COL27A1: variants seen among roughly 807,000 people sequenced by gnomAD.
The protein encoded by COL27A1 is collagen type XXVII alpha 1 chain.
COL27A1 carries 106 observed loss-of-function variants against 251.3 expected under a neutral mutation model. The ratio of observed to expected loss-of-function variants is 0.42; its 90% CI spans 0.36 to 0.50. The LOEUF (loss-of-function observed/expected upper bound fraction) is 0.50. Ranked by LOEUF, COL27A1 falls within the 20% of genes least tolerant of loss-of-function variation. The probability of loss-of-function intolerance (pLI) is 0.00; values close to 1 mark genes in which losing one functional copy is unlikely to be tolerated. For missense variants in COL27A1, 2,325 were observed against 2,522.8 expected (o/e 0.92, Z 1.68); for synonymous variants, 1,000 against 986.3 (o/e 1.01, Z -0.26).
At chr9:114,271,803 A>G (rs1468010) in intron 36 of COL27A1, 33,850 of 152,186 alleles carry the variant, frequency 0.22, 4,856 homozygotes, top group African/African-American at 0.4. Context: ...AGGTGACCTC[A>G]GAGAAGCAGA....
chr9:114,299,846 G>A (rs916925605), intron 49 of COL27A1, among the ~76,000 whole-genome samples: 6 of 152,210 alleles, frequency 3.9e-5, no homozygotes, highest in African/African-American at 1.4e-4. Context: ...CCTGAGCCGG[G>A]CTCCTCTTTC....
intron 14 of COL27A1, among the ~76,000 whole-genome samples, chr9:114,228,177 G>A (rs2306955): frequency 0.064 from 9,807 of 152,212 alleles, 344 homozygotes; most frequent in East Asian, 0.11. Context: ...GTGCTGCGCC[G>A]TGACTCCCCG....
rs138373588 is a variant in COL27A1 at position 114,205,919 on chromosome 9, C to G, written c.2223+107C>G. ...TGGGCTGGGGGCCAAGGAGCTGCACCTGCTGGGTGGACCCTAAGGAGGGGG... is the reference window on the plus strand; with the variant it reads ...TGGGCTGGGGGCCAAGGAGCTGCACGTGCTGGGTGGACCCTAAGGAGGGGG... On this transcript the variant is annotated intron_variant, in intron 9 of 60. Coordinates refer to ENST00000356083, the MANE Select transcript of COL27A1 (RefSeq NM_032888.4). 9.2e-4 allele frequency: 938 copies of G among 1,016,306 alleles called. 6 individuals are homozygous for G. In the African/African-American group the frequency reaches 0.013, roughly 14 times the overall value. 63.0% of individuals were successfully genotyped at this position (1,016,306 alleles called of 1,614,324 possible).
At chr9:114,269,470 A>G (rs1266527908) in intron 35 of COL27A1, among the ~76,000 whole-genome samples, 176 bp downstream of exon 35, 1 of 151,866 alleles carries the variant, frequency 6.6e-6, no homozygotes, top group African/African-American at 2.4e-5. Context: ...TCCACAGTGT[A>G]GAGAAAGGCA....
intron 3 of COL27A1, among the ~76,000 whole-genome samples, chr9:114,174,978 T>C (rs1827295853): frequency 6.6e-6 from 1 of 152,282 alleles, no homozygotes; most frequent in Non-Finnish European, 1.5e-5. Context: ...ACATGGTAGG[T>C]AGCAGCACAC....
chr9:114,250,434 G>A (rs1464924875), intron 24 of COL27A1, among the ~76,000 whole-genome samples, 181 bp from the exon 25 acceptor site: 2 of 152,246 alleles, frequency 1.3e-5, no homozygotes, highest in Non-Finnish European at 2.9e-5. Context: ...ATCTGGTGGA[G>A]TGAGGGAAGT....
chr9:114,290,890 T>C lies in COL27A1; in HGVS notation c.4449T>C (p.Pro1483=). 1 of 1,551,664 alleles carries C rather than the reference T, an allele frequency of 6.4e-7. No individual in the cohort carries two copies. Among genetic ancestry groups the C allele is most frequent in the African/African-American group, 1.4e-5 (1 of 73,238 alleles). Residue 1483 remains proline, a synonymous_variant, in exon 48 of 61, where the codon CCT becomes CCC. Coordinates refer to ENST00000356083, the MANE Select transcript of COL27A1 (RefSeq NM_032888.4). This position sits in a 1 kb window ranked among gnomAD's most constrained non-coding sequence, Gnocchi z 4.6. The part of the protein sequence containing the change: ...KRGNPGVAGL[P]GAQGPPGFKG... The stretch of plus-strand genomic sequence containing the variant: ...GAAATCCAGGTGTGGCCGGCTTACC[T>C]GGAGCACAGGGACCCCCAGGATTCA...
Position 114,282,332 on chromosome 9 carries a change from T to A in COL27A1, c.3771+2T>A, listed in dbSNP as rs1436944837. On this transcript the variant is annotated splice_donor_variant, in intron 38 of 60. Transcript: ENST00000356083. LOFTEE classifies it high-confidence loss of function. ...GAGAAGGGCCGCACTGGAGCCAAGGTAGGTGTCCCCTTCTGACTTGATAGG... is the reference window on the plus strand; with the variant it reads ...GAGAAGGGCCGCACTGGAGCCAAGGAAGGTGTCCCCTTCTGACTTGATAGG... 1.9e-6 allele frequency: 3 copies of A among 1,613,874 alleles called. No individual in the cohort carries two copies. The highest frequency in any genetic ancestry group is 2.5e-6 in the Non-Finnish European group (3 of 1,180,022).
rs983216780 is a variant in COL27A1 at position 114,292,186 on chromosome 9, G to A, written c.4560G>A (p.Gly1520=). The change falls in exon 49 of 61, where the codon GGG becomes GGA. Residue 1520 remains glycine, a synonymous_variant. Transcript: ENST00000356083. ...GAACGGGGCTCCCTGGAAACCAGGG[G>A]GAGCCTGGGTCCAAAGGCCAGCCGG... The part of the protein sequence containing the change: ...EGRTGLPGNQ[G]EPGSKGQPGD... The A allele has an allele frequency of 6.4e-7, 1 of 1,556,688 alleles. No individual in the cohort carries two copies.
intron 34 of COL27A1, among the ~76,000 whole-genome samples, chr9:114,268,625 T>C (rs1440313850): frequency 1.3e-5 from 2 of 152,328 alleles, no homozygotes; most frequent in East Asian, 1.9e-4. Context: ...TCACGAGAGC[T>C]TGGGCTCCTT....
rs115840417 is a variant in COL27A1, at chr9:114,206,323, T to C, written c.2268+27T>C. 3,787 of 1,612,818 alleles carry C rather than the reference T, an allele frequency of 2.3e-3. 85 individuals carry two copies. In the African/African-American group the frequency reaches 0.043, roughly 18 times the overall value. On this transcript the variant is annotated intron_variant, in intron 10 of 60. Transcript: ENST00000356083. Reference sequence around the variant, plus strand: ...TAAGTGGTTCCTGGCCAGTGCCACATGGGTGGGGTTCTAGGTGAGCATCAC... The same window carrying C: ...TAAGTGGTTCCTGGCCAGTGCCACACGGGTGGGGTTCTAGGTGAGCATCAC...
At chr9:114,179,994 G>A (rs756373358) in intron 4 of COL27A1, among the ~76,000 whole-genome samples, 12 of 151,854 alleles carry the variant, frequency 7.9e-5, no homozygotes, top group Non-Finnish European at 1.2e-4. Context: ...ACACGCCCCC[G>A]GGCCCAGCTA....
At chr9:114,193,604 T>A (rs1828900774) in intron 5 of COL27A1, among the ~76,000 whole-genome samples, 1 of 152,044 alleles carries the variant, frequency 6.6e-6, no homozygotes, top group Admixed American at 6.6e-5. Context: ...TAGCCTCAGT[T>A]TTCCCAAATA....
At chr9:114,190,172 C>T (rs1216271044) in intron 5 of COL27A1, among the ~76,000 whole-genome samples, 1 of 152,208 alleles carries the variant, frequency 6.6e-6, no homozygotes, top group Admixed American at 6.5e-5. Context: ...ATTTGTGAAA[C>T]ATTTTATGTT....
chr9:114,238,303 C>T (rs1332889605), intron 19 of COL27A1, among the ~76,000 whole-genome samples: 1 of 152,342 alleles, frequency 6.6e-6, no homozygotes, highest in East Asian at 1.9e-4. Flanking sequence ...TCGGAATTCA[C>T]ATGTAATGTT....
chr9:114,182,785 A>G (rs1192070542), intron 4 of COL27A1, among the ~76,000 whole-genome samples: 3 of 152,192 alleles, frequency 2.0e-5, no homozygotes, highest in Non-Finnish European at 4.4e-5. Context: ...AACACCACCT[A>G]CCTTCCAGGT....
intron 5 of COL27A1, among the ~76,000 whole-genome samples, chr9:114,191,286 C>A: frequency 6.6e-6 from 1 of 151,986 alleles, no homozygotes; most frequent in Non-Finnish European, 1.5e-5. Flanking sequence ...AAGTTTCGGG[C>A]CACATGTGCA....
chr9:114,162,833 G>A (rs768301359), intron 2 of COL27A1, 48 bp downstream of exon 2: 2 of 1,434,910 alleles, frequency 1.4e-6, no homozygotes, highest in Non-Finnish European at 2.0e-6. Context: ...GAGAACGGAA[G>A]GGGCCTGAGA....
chr9:114,273,292 A>C (rs1835272394), intron 36 of COL27A1: 1 of 152,296 alleles, frequency 6.6e-6, no homozygotes, highest in Non-Finnish European at 1.5e-5. Flanking sequence ...TCTTCATGCC[A>C]GGCTGTGCTT....
Sources: allele counts gnomAD v4.1 joint callset (sites outside exome capture counted in the v4.1 genomes callset), GRCh38; gene constraint gnomAD v4.1.1; non-coding constraint Gnocchi (gnomAD v3.1); transcripts MANE v1.5; gene names NCBI Gene and HGNC (gene_info 2026-07-23, HGNC 2026-07-21).